Variants in PTPRB observed in about 807,000 individuals in gnomAD.
PTPRB encodes protein tyrosine phosphatase receptor type B.
In PTPRB, 97 loss-of-function variants were observed where a neutral mutation model predicts 238.1. The ratio of observed to expected loss-of-function variants is 0.41; its 90% CI spans 0.35 to 0.48. The LOEUF is 0.48. Among genes scored for constraint, PTPRB ranks in the 20% least tolerant of loss-of-function variants. The pLI, the probability that PTPRB is intolerant of heterozygous loss-of-function variation, is 0.30. For synonymous variants in PTPRB, 970 were observed against 995.4 expected, an observed-to-expected ratio of 0.97 and a Z score of 0.48; for missense variants, 2,292 against 2,681.9, an observed-to-expected ratio of 0.85 and a Z score of 3.21.
At chr12:70,597,442 A>G (rs1309028041) in intron 4 of PTPRB, among the ~76,000 whole-genome samples, 1 of 152,208 alleles carries the variant, frequency 6.6e-6, no homozygotes, top group Non-Finnish European at 1.5e-5. Context: ...GAACTAAGTC[A>G]ATGATATTTA....
At chr12:70,599,657 A>G (rs1883312047) in intron 4 of PTPRB, among the ~76,000 whole-genome samples, 1 of 152,210 alleles carries the variant, frequency 6.6e-6, no homozygotes, top group Non-Finnish European at 1.5e-5. Flanking sequence ...TATTCATTGT[A>G]TATACTTGAA....
chr12:70,538,755 C>T, intron 27 of PTPRB, 169 bp downstream of exon 27: 3 of 619,910 alleles, frequency 4.8e-6, no homozygotes, highest in Non-Finnish European at 8.5e-6. Flanking sequence ...TATTATCCCT[C>T]TGGAGGGAAG....
chr12:70,578,413 T>G (rs1302607009), intron 10 of PTPRB, among the ~76,000 whole-genome samples: 1 of 144,088 alleles, frequency 6.9e-6, no homozygotes, highest in Non-Finnish European at 1.5e-5. Context: ...TCCCTATTAT[T>G]GTGCTTTACA....
Position 70,592,415 on chromosome 12 carries a change from C to T in PTPRB, c.1647G>A (p.Lys549=), listed in dbSNP as rs1178481748. Residue 549 remains lysine (K), a synonymous_variant, in exon 7 of 34, where the codon AAG becomes AAA. Coordinates refer to ENST00000334414, the MANE Select transcript of PTPRB (RefSeq NM_001109754.4). ...NITLSHKGTI[K]ESRVLAPWIT... is the part of the protein sequence containing the mutation. ...TCCAAGGTGCTAATACTCTGGATTC[C>T]TTGATGGTCCCTTTGTGAGACAGGG... 6.2e-7 allele frequency: 1 copy of T among 1,613,884 alleles called. No individual in the cohort carries two copies. The highest frequency in any genetic ancestry group is 1.1e-5 in the South Asian group (1 of 91,078).
At chr12:70,558,896 T>C in intron 18 of PTPRB, 1 of 201,784 alleles carries the variant, frequency 5.0e-6, no homozygotes, top group Non-Finnish European at 1.0e-5. Context: ...TCTTGTACTC[T>C]CCCTCCTCTC....
intron 21 of PTPRB, among the ~76,000 whole-genome samples, chr12:70,547,824 C>T (rs1395240810): frequency 6.6e-6 from 1 of 151,996 alleles, no homozygotes; most frequent in Admixed American, 6.6e-5. Flanking sequence ...CTTTTTCAAA[C>T]ATGTTTCTGT....
In PTPRB at chr12:70,555,675, C is replaced by G. The variant is rs138008643; in HGVS notation, c.4993+195G>C. ...TAAGACCATCTAACTTGTTTGCTGT[C>G]AGGGTACTTTACCCAGAGAAATGTT... On this transcript the variant is annotated intron_variant, in intron 19 of 33. Transcript: ENST00000334414. Among the ~76,000 whole-genome samples, 78 of 147,640 alleles carry G rather than the reference C, an allele frequency of 5.3e-4. 2 individuals are homozygous for G. In the East Asian group the frequency reaches 0.014, roughly 27 times the overall value.
Position 70,562,998 on chromosome 12 carries a change from G to A in PTPRB, c.4014C>T (p.Tyr1338=). 1.2e-6 allele frequency: 2 copies of A among 1,613,996 alleles called. No homozygotes were observed. The highest frequency in any genetic ancestry group is 1.7e-5 in the Admixed American group (1 of 60,022). The change falls in exon 16 of 34, where the codon TAC becomes TAT. Residue 1338 remains tyrosine (Y), a synonymous_variant. Coordinates refer to ENST00000334414, the MANE Select transcript of PTPRB (RefSeq NM_001109754.4). The part of the protein sequence containing the change: ...GELSWYNIFL[Y]NPDGNLQERA... The stretch of plus-strand genomic sequence containing the variant: ...TCTCCTGGAGATTCCCATCTGGGTT[G>A]TACAAAAAGATGTTGTACCAGCTGA...
At position 70,594,601 on chromosome 12, in the gene PTPRB, A is replaced by G. The variant is rs777514939; in HGVS notation, c.1382T>C (p.Val461Ala). The G allele has an allele frequency of 1.2e-6, 2 of 1,613,988 alleles. No individual in the cohort carries two copies. The highest frequency in any genetic ancestry group is 2.2e-5 in the South Asian group (2 of 91,076). ...ATGTTTGTCCACAACACCGCCATGA[A>G]CTAGGATCCCTTTATCCATTAGCAT... is the stretch of plus-strand genomic sequence containing the variant. ...RLMLMDKGIL[V>A]HGGVVDKHAT... Residue 461 changes from valine to alanine, a missense_variant, in exon 6 of 34, where the codon GTT becomes GCT. Coordinates refer to ENST00000334414, the MANE Select transcript of PTPRB (RefSeq NM_001109754.4).
intron 32 of PTPRB, among the ~76,000 whole-genome samples, chr12:70,526,101 A>T (rs981488836): frequency 6.6e-6 from 1 of 152,230 alleles, no homozygotes; most frequent in Non-Finnish European, 1.5e-5. Flanking sequence ...ATGGGTTGGC[A>T]CTAGATACTG....
At chr12:70,621,156 A>G (rs1884911837) in intron 3 of PTPRB, among the ~76,000 whole-genome samples, 1 of 152,112 alleles carries the variant, frequency 6.6e-6, no homozygotes, top group Non-Finnish European at 1.5e-5. Flanking sequence ...TCTTGCTTCC[A>G]TTTCCTGTCT....
At chr12:70,602,959 A>C (rs1029750033) in intron 4 of PTPRB, among the ~76,000 whole-genome samples, 1 of 152,198 alleles carries the variant, frequency 6.6e-6, no homozygotes, top group Non-Finnish European at 1.5e-5. Flanking sequence ...AGGTCAGAAA[A>C]ATCTAATATT....
At chr12:70,565,852 C>T (rs988282764) in intron 15 of PTPRB, among the ~76,000 whole-genome samples, 3 of 152,080 alleles carry the variant, frequency 2.0e-5, no homozygotes, top group Admixed American at 6.5e-5. Flanking sequence ...GATCTTGAGA[C>T]GAAGGAATTA....
At chr12:70,528,280 C>T (rs1872689015) in intron 32 of PTPRB, among the ~76,000 whole-genome samples, 1 of 151,982 alleles carries the variant, frequency 6.6e-6, no homozygotes, top group African/African-American at 2.4e-5. Flanking sequence ...TAAGTAGGGG[C>T]CAGGTTATAA....
At chr12:70,536,486 C>T (rs555121994) in intron 28 of PTPRB, among the ~76,000 whole-genome samples, 73 of 151,842 alleles carry the variant, frequency 4.8e-4, no homozygotes, top group Non-Finnish European at 6.6e-4. Flanking sequence ...GGACTGTAAT[C>T]AGGCTCTTTC....
intron 26 of PTPRB, 44 bp downstream of exon 26, chr12:70,539,581 C>T: frequency 7.1e-7 from 1 of 1,413,550 alleles, no homozygotes; most frequent in Non-Finnish European, 9.8e-7. Flanking sequence ...GGAAATTCTG[C>T]TAAGAACTAG....
intron 14 of PTPRB, among the ~76,000 whole-genome samples, chr12:70,567,556 C>T (rs540106983): frequency 3.0e-4 from 45 of 152,324 alleles, no homozygotes; most frequent in African/African-American, 1.0e-3. Context: ...TCTCTTGAAT[C>T]TAGCCACTCC....
intron 33 of PTPRB, among the ~76,000 whole-genome samples, chr12:70,521,811 T>G (rs1489995371): frequency 6.6e-6 from 1 of 152,212 alleles, no homozygotes; most frequent in Non-Finnish European, 1.5e-5. Context: ...GTTCGAGAGT[T>G]CGGACCTGAA....
intron 22 of PTPRB, chr12:70,541,813 G>T (rs1346615503): frequency 2.0e-5 from 3 of 152,132 alleles, no homozygotes; most frequent in African/African-American, 7.2e-5. Flanking sequence ...TTTTATGGTT[G>T]AATAATCGTC....
Sources: allele counts gnomAD v4.1 joint callset (sites outside exome capture counted in the v4.1 genomes callset), GRCh38; gene constraint gnomAD v4.1.1; transcripts MANE v1.5; gene names NCBI Gene and HGNC (gene_info 2026-07-23, HGNC 2026-07-21).